Variants in UGP2 observed in about 807,000 individuals in gnomAD.
The protein encoded by UGP2 is UDP-glucose pyrophosphorylase 2.
Under a neutral mutation model 49.0 loss-of-function variants are expected in UGP2, and 40 were observed. That is an observed-to-expected ratio of 0.82 (90% CI 0.63 to 1.06). UGP2 has a LOEUF of 1.06. UGP2 is among the 50% of genes least tolerant of loss of function. UGP2 has a pLI of 0.00. For missense variants in UGP2, 460 were observed against 603.5 expected, an observed-to-expected ratio of 0.76 and a Z score of 2.49; for synonymous variants, 225 against 213.0, an observed-to-expected ratio of 1.06 and a Z score of -0.49.
intron 1 of UGP2, chr2:63,842,427 C>A: frequency 6.4e-7 from 1 of 1,564,636 alleles, no homozygotes; most frequent in East Asian, 2.3e-5. Flanking sequence ...GTTTTGCCTC[C>A]CTGAAATCAG....
chr2:63,868,726 C>T (rs1016041964), intron 3 of UGP2, among the ~76,000 whole-genome samples: 3 of 152,062 alleles, frequency 2.0e-5, no homozygotes, highest in African/African-American at 7.2e-5. Context: ...CACTTTTAAT[C>T]CCAGCACTTT....
chr2:63,852,345 A>G (rs1397625928), intron 1 of UGP2, among the ~76,000 whole-genome samples: 1 of 152,228 alleles, frequency 6.6e-6, no homozygotes, highest in African/African-American at 2.4e-5. Flanking sequence ...TTACCCAGGA[A>G]TCTGTGTTTT....
intron 3 of UGP2, among the ~76,000 whole-genome samples, chr2:63,870,925 C>T (rs1327901144): frequency 6.6e-6 from 1 of 152,172 alleles, no homozygotes; most frequent in Non-Finnish European, 1.5e-5. Context: ...CTGAGGGTCA[C>T]AAATGGCTTC....
chr2:63,864,642 C>T (rs1235446659), intron 3 of UGP2, among the ~76,000 whole-genome samples: 8 of 152,104 alleles, frequency 5.3e-5, no homozygotes, highest in South Asian at 2.1e-4. Flanking sequence ...TACCTGAGCC[C>T]GCATTCCTAA....
intron 1 of UGP2, among the ~76,000 whole-genome samples, chr2:63,843,275 A>G (rs1671702026): frequency 6.6e-6 from 1 of 152,270 alleles, no homozygotes. Flanking sequence ...ATCGAACGCT[A>G]TGCTTGCCTT....
intron 3 of UGP2, among the ~76,000 whole-genome samples, chr2:63,876,481 A>G (rs1038518245): frequency 1.3e-5 from 2 of 152,224 alleles, no homozygotes; most frequent in Non-Finnish European, 2.9e-5. Flanking sequence ...TCCCGTCTTC[A>G]TACGCTGTTA....
At chr2:63,885,455 C>G in intron 5 of UGP2, 134 bp from the exon 6 acceptor site, 1 of 723,212 alleles carries the variant, frequency 1.4e-6, no homozygotes, top group Non-Finnish European at 2.0e-6. Context: ...AATGGATTCA[C>G]CTATAATTAA....
At chr2:63,857,599 A>G (rs1669532740) in intron 2 of UGP2, 2 of 558,212 alleles carry the variant, frequency 3.6e-6, no homozygotes, top group East Asian at 8.5e-5. Context: ...TCCTGAGCTC[A>G]AACGATCAGC....
At chr2:63,885,039 G>A (rs1575853888) in intron 5 of UGP2, among the ~76,000 whole-genome samples, 1 of 9,830 alleles carries the variant, frequency 1.0e-4, no homozygotes, top group Non-Finnish European at 2.1e-4. Flanking sequence ...CAGATGTTTT[G>A]CCTTTATTTT....
Position 63,891,192 on chromosome 2 carries a change from A to G in UGP2, c.1492A>G (p.Ile498Val). The G allele has an allele frequency of 6.2e-7, 1 of 1,613,852 alleles. No homozygotes were observed. The highest frequency in any genetic ancestry group is 8.5e-7 in the Non-Finnish European group (1 of 1,179,852). The change falls in exon 10 of 10, where the codon ATT becomes GTT. Residue 498 changes from isoleucine (I) to valine (V), a missense_variant. Ile to Val is a conservative substitution (Grantham distance 29). Coordinates refer to ENST00000337130, the MANE Select transcript of UGP2 (RefSeq NM_006759.4). Reference protein sequence around the residue: ...IPPGAVLENKIVSGNLRILDH With the variant: ...IPPGAVLENKVVSGNLRILDH Reference sequence around the variant, plus strand: ...ACCTGGAGCAGTATTAGAGAACAAGATTGTGTCTGGAAACCTTCGCATCTT... The same window carrying G: ...ACCTGGAGCAGTATTAGAGAACAAGGTTGTGTCTGGAAACCTTCGCATCTT...
Position 63,887,648 on chromosome 2 carries a change from C to G in UGP2, c.1314+4C>G. On this transcript the variant is annotated splice_donor_region_variant and intron_variant, in intron 8 of 9. Transcript: ENST00000337130. ...ATTAGGCAGTTCTTTTACGAAGGTA[C>G]GTAACTATAAAGATATGTGAGTTCA... 1.2e-6 allele frequency: 2 copies of G among 1,613,542 alleles called. No individual in the cohort carries two copies. The highest frequency in any genetic ancestry group is 4.5e-5 in the East Asian group (2 of 44,868).
At chr2:63,871,249 T>G (rs1670528810) in intron 3 of UGP2, among the ~76,000 whole-genome samples, 1 of 152,218 alleles carries the variant, frequency 6.6e-6, no homozygotes. Context: ...TTCTGGTTTC[T>G]GTCTGTATGA....
chr2:63,880,015 A>T (rs1671182461), intron 3 of UGP2, among the ~76,000 whole-genome samples: 1 of 152,148 alleles, frequency 6.6e-6, no homozygotes, highest in East Asian at 1.9e-4. Context: ...ATAACTGATA[A>T]ATGGAAATTC....
At chr2:63,871,339 G>A (rs1473295557) in intron 3 of UGP2, among the ~76,000 whole-genome samples, 1 of 151,998 alleles carries the variant, frequency 6.6e-6, no homozygotes, top group African/African-American at 2.4e-5. Flanking sequence ...AGGCTGGAGT[G>A]CAGTGGTGCA....
At chr2:63,873,213 C>A (rs1177948176) in intron 3 of UGP2, among the ~76,000 whole-genome samples, 1 of 152,102 alleles carries the variant, frequency 6.6e-6, no homozygotes, top group African/African-American at 2.4e-5. Flanking sequence ...GCACTTGTGA[C>A]CATCAAAAAG....
intron 3 of UGP2, among the ~76,000 whole-genome samples, chr2:63,870,766 G>T (rs1260450297): frequency 6.6e-6 from 1 of 152,218 alleles, no homozygotes; most frequent in Non-Finnish European, 1.5e-5. Flanking sequence ...ATGGTGGGGA[G>T]TATCAGGTGG....
intron 1 of UGP2, among the ~76,000 whole-genome samples, chr2:63,854,074 G>A (rs1300449971): frequency 6.6e-6 from 1 of 152,144 alleles, no homozygotes; most frequent in East Asian, 1.9e-4. Context: ...AAAAACATTA[G>A]CAAGGTATTT....
In UGP2 at chr2:63,882,492, C is replaced by T; in HGVS notation, c.282C>T (p.Ala94=). The T allele has an allele frequency of 1.9e-6, 3 of 1,600,626 alleles. No individual in the cohort carries two copies. The highest frequency in any genetic ancestry group is 1.7e-6 in the Non-Finnish European group (2 of 1,170,728). Residue 94 remains alanine, a synonymous_variant, in exon 4 of 10, where the codon GCC becomes GCT. Coordinates refer to ENST00000337130, the MANE Select transcript of UGP2 (RefSeq NM_006759.4). ...TTCAACCCTATGAAAAGATAAAGGC[C>T]AGGGGCTTGCCTGATAATATATCTT... is the stretch of plus-strand genomic sequence containing the variant. ...DSIQPYEKIK[A]RGLPDNISSV... is the part of the protein sequence containing the mutation.
chr2:63,884,095 T>C lies in UGP2; in HGVS notation c.575+2T>C. On this transcript the variant is annotated splice_donor_variant, in intron 5 of 9. Coordinates refer to ENST00000337130, the MANE Select transcript of UGP2 (RefSeq NM_006759.4). LOFTEE classifies it high-confidence loss of function. ...AATCTACACTTTCAATCAAAGCAGG[T>C]ACAATGAGTAAAAAATTAACTCTGG... 1 of 1,611,674 alleles carries C rather than the reference T, an allele frequency of 6.2e-7. No individual in the cohort carries two copies.
Sources: allele counts gnomAD v4.1 joint callset (sites outside exome capture counted in the v4.1 genomes callset), GRCh38; gene constraint gnomAD v4.1.1; transcripts MANE v1.5; gene names NCBI Gene and HGNC (gene_info 2026-07-23, HGNC 2026-07-21).